Variants in CDH13 observed in about 807,000 individuals in gnomAD.
CDH13 encodes the protein cadherin-13.
A neutral mutation model predicts 63.8 loss-of-function variants in CDH13; 24 were observed. That is an observed-to-expected ratio of 0.38 (90% CI 0.27 to 0.53). CDH13 has a LOEUF of 0.53. CDH13 is among the 20% of genes least tolerant of loss of function. CDH13 has a pLI of 0.85. For missense variants in CDH13, 1,049 were observed against 903.1 expected (o/e 1.16, Z -2.07); for synonymous variants, 503 against 355.3 (o/e 1.42, Z -4.67).
rs978297874 is a variant in CDH13, at chr16:83,457,663, C to G, written c.782-28814C>G. On this transcript the variant is annotated intron_variant, in intron 6 of 13. Transcript: ENST00000567109. ...CTGCTTTAGAGAGATGAGTTCAGGG[C>G]TTGAGGCTGAAAGACAGGGAACCAG... 2.0e-5 allele frequency among the ~76,000 whole-genome samples: 3 copies of G among 152,078 alleles called. No individual in the cohort carries two copies. The East Asian group carries it at 5.8e-4, about 29-fold the overall frequency.
intron 7 of CDH13, among the ~76,000 whole-genome samples, chr16:83,593,690 G>A (rs1358539084): frequency 2.6e-5 from 4 of 151,732 alleles, no homozygotes; most frequent in Non-Finnish European, 5.9e-5. Context: ...TGTAATAGTG[G>A]GCTAATTGTG....
At chr16:82,921,439 T>C (rs2042150933) in intron 2 of CDH13, among the ~76,000 whole-genome samples, 1 of 152,178 alleles carries the variant, frequency 6.6e-6, no homozygotes. Context: ...AATCTCCTTC[T>C]CAATTCCATT....
At chr16:83,080,209 A>G (rs932570792) in intron 3 of CDH13, among the ~76,000 whole-genome samples, 1 of 152,046 alleles carries the variant, frequency 6.6e-6, no homozygotes, top group African/African-American at 2.4e-5. Flanking sequence ...CCTTCAGCTC[A>G]TTCTTCAGTT....
chr16:82,726,086 G>A (rs2033078879), intron 1 of CDH13, among the ~76,000 whole-genome samples: 1 of 152,074 alleles, frequency 6.6e-6, no homozygotes. Flanking sequence ...GGACATTTCT[G>A]GTGTACTTGA....
chr16:83,360,441 T>C (rs2091140135), intron 6 of CDH13, among the ~76,000 whole-genome samples: 1 of 152,148 alleles, frequency 6.6e-6, no homozygotes. Flanking sequence ...GGTAGATCTA[T>C]TTTTTATCTG....
chr16:82,699,116 G>A (rs1274409535), intron 1 of CDH13, among the ~76,000 whole-genome samples: 3 of 152,172 alleles, frequency 2.0e-5, no homozygotes, highest in African/African-American at 7.2e-5. Context: ...TTTGATACTT[G>A]TCATTTAATT....
intron 3 of CDH13, among the ~76,000 whole-genome samples, chr16:83,039,718 G>A (rs888133350): frequency 3.9e-5 from 6 of 152,002 alleles, no homozygotes; most frequent in African/African-American, 7.2e-5. Context: ...TGAGTGGAGC[G>A]AGTTACCCCT....
chr16:83,462,262 T>C (rs572762283), intron 6 of CDH13, among the ~76,000 whole-genome samples: 179 of 152,354 alleles, frequency 1.2e-3, no homozygotes, highest in African/African-American at 4.0e-3. Context: ...GAAGCAATGC[T>C]GTGGCTCCAT....
intron 4 of CDH13, among the ~76,000 whole-genome samples, chr16:83,209,169 A>G (rs1046388362): frequency 7.2e-5 from 11 of 152,064 alleles, no homozygotes; most frequent in African/African-American, 2.7e-4. Flanking sequence ...AACCACAACC[A>G]CCTGTAAAAG....
At chr16:82,665,927 A>T (rs139256834) in intron 1 of CDH13, among the ~76,000 whole-genome samples, 39 of 152,304 alleles carry the variant, frequency 2.6e-4, no homozygotes, top group African/African-American at 8.7e-4. Flanking sequence ...CCAGGAAAAG[A>T]TCAAAATTCA....
At chr16:83,473,187 C>T (rs2073505419) in intron 6 of CDH13, among the ~76,000 whole-genome samples, 1 of 152,166 alleles carries the variant, frequency 6.6e-6, no homozygotes, top group African/African-American at 2.4e-5. Context: ...AAAGCAACTC[C>T]TTCTAATTCA....
chr16:83,110,788 G>A (rs563301272), intron 3 of CDH13, among the ~76,000 whole-genome samples: 1 of 152,054 alleles, frequency 6.6e-6, no homozygotes, highest in African/African-American at 2.4e-5. Context: ...ACCAAGGTGT[G>A]ACAGTTACAA....
At position 83,047,943 on chromosome 16, in the gene CDH13, T is replaced by C. The variant is rs1346705129; in HGVS notation, c.366+15725T>C. ...GCACAGGGTCATACATCTAGAATAT[T>C]TTGGAGACATATTTTTGCACTCAGA... On this transcript the variant is annotated intron_variant, in intron 3 of 13. Coordinates refer to ENST00000567109, the MANE Select transcript of CDH13 (RefSeq NM_001257.5). This position sits in a 1 kb window ranked among gnomAD's most constrained non-coding sequence, Gnocchi z 4.9. Among the ~76,000 whole-genome samples the C allele has an allele frequency of 6.6e-6, 1 of 152,144 alleles. No individual in the cohort carries two copies. The highest frequency in any genetic ancestry group is 1.9e-4 in the East Asian group (1 of 5,192).
At chr16:83,447,603 G>T (rs1247246762) in intron 6 of CDH13, among the ~76,000 whole-genome samples, 1 of 152,036 alleles carries the variant, frequency 6.6e-6, no homozygotes, top group Non-Finnish European at 1.5e-5. Context: ...TTTCACACCT[G>T]TGTACAGGAA....
chr16:83,469,557 T>C (rs2073403454), intron 6 of CDH13, among the ~76,000 whole-genome samples: 1 of 152,130 alleles, frequency 6.6e-6, no homozygotes, highest in African/African-American at 2.4e-5. Context: ...ACCAGATGCT[T>C]TCAGGGCAAC....
intron 2 of CDH13, among the ~76,000 whole-genome samples, chr16:82,939,843 C>T (rs1438802276): frequency 1.3e-5 from 2 of 151,956 alleles, no homozygotes; most frequent in African/African-American, 4.8e-5. Context: ...TATTTCATTC[C>T]ACTATAGGTA....
intron 1 of CDH13, among the ~76,000 whole-genome samples, chr16:82,821,222 C>A (rs1190417587): frequency 2.0e-5 from 3 of 152,158 alleles, no homozygotes; most frequent in African/African-American, 7.2e-5. Context: ...CTTTTAAATT[C>A]CCTATAGGAC....
intron 10 of CDH13, among the ~76,000 whole-genome samples, chr16:83,681,894 C>CTGT (rs34508547): frequency 0.35 from 52,813 of 151,814 alleles, 9,291 homozygotes; most frequent in Middle Eastern, 0.44. Context: ...GATGTTACTG[C>CTGT]TGTTGTGATG....
intron 2 of CDH13, among the ~76,000 whole-genome samples, chr16:82,951,502 G>T (rs1168151600): frequency 1.3e-5 from 2 of 152,154 alleles, no homozygotes; most frequent in African/African-American, 2.4e-5. Flanking sequence ...CGTTGGGTAC[G>T]CTGGCTTCAT....
Sources: allele counts gnomAD v4.1 joint callset (sites outside exome capture counted in the v4.1 genomes callset), GRCh38; gene constraint gnomAD v4.1.1; non-coding constraint Gnocchi (gnomAD v3.1); transcripts MANE v1.5; gene names NCBI Gene and HGNC (gene_info 2026-07-23, HGNC 2026-07-21).